Variants in MYCBP2 observed in about 807,000 individuals in gnomAD.
MYCBP2 encodes E3 ubiquitin-protein ligase MYCBP2.
Under a neutral mutation model 525.3 loss-of-function variants are expected in MYCBP2, and 120 were observed. The ratio of observed to expected loss-of-function variants is 0.23; its 90% CI spans 0.20 to 0.27. MYCBP2 has a LOEUF of 0.27. MYCBP2 is among the 10% of genes least tolerant of loss of function. The pLI, the probability that MYCBP2 is intolerant of heterozygous loss-of-function variation, is 1.00. For missense variants in MYCBP2, 4,149 were observed against 5,657.1 expected (o/e 0.73, Z 8.55); for synonymous variants, 1,894 against 1,955.8 (o/e 0.97, Z 0.83).
chr13:77,263,596 A>C, intron 10 of MYCBP2, 55 bp downstream of exon 10: 1 of 1,458,790 alleles, frequency 6.9e-7, no homozygotes, highest in Admixed American at 1.8e-5. Flanking sequence ...CATTTTTAAG[A>C]GTATGAAAAA....
intron 14 of MYCBP2, among the ~76,000 whole-genome samples, chr13:77,252,013 A>C (rs958953935): frequency 2.0e-5 from 3 of 152,178 alleles, no homozygotes; most frequent in African/African-American, 7.2e-5. Flanking sequence ...GCCTTCAAAA[A>C]TTCAGCTCAG....
At chr13:77,178,484 C>T (rs186265913) in intron 34 of MYCBP2, among the ~76,000 whole-genome samples, 14 of 152,302 alleles carry the variant, frequency 9.2e-5, no homozygotes, top group East Asian at 3.9e-4. Flanking sequence ...TTGAATACTA[C>T]GAATATATAC....
chr13:77,098,617 T>C lies in MYCBP2; in HGVS notation c.8537A>G (p.His2846Arg), dbSNP rs1341077305. 2 of 1,613,650 alleles carry C rather than the reference T, an allele frequency of 1.2e-6. No individual in the cohort carries two copies. The highest frequency in any genetic ancestry group is 1.1e-5 in the South Asian group (1 of 91,066). The change falls in exon 56 of 83, where the codon CAT becomes CGT. Residue 2846 changes from histidine (H) to arginine (R), a missense_variant. Around this residue, in one of 21 missense-constraint regions of MYCBP2, gnomAD observed 653 missense variants for 744.7 expected, o/e 0.88. Transcript: ENST00000544440. ...GASSPRSSSP[H>R]DKNLPQKSTA... is the part of the protein sequence containing the mutation. ...ACTTTTTTGAGGTAGATTTTTATCA[T>C]GTGGTGAGGAGGAGCGTGGAGAACT...
intron 57 of MYCBP2, among the ~76,000 whole-genome samples, chr13:77,096,041 CAATT>C (rs1370006138): frequency 6.6e-6 from 1 of 151,444 alleles, no homozygotes; most frequent in Non-Finnish European, 1.5e-5. Flanking sequence ...GAATAACAGA[CAATT>C]AATAATAAAG....
intron 56 of MYCBP2, among the ~76,000 whole-genome samples, chr13:77,097,044 C>T (rs1314227622): frequency 1.3e-5 from 2 of 152,094 alleles, no homozygotes; most frequent in East Asian, 3.8e-4. Flanking sequence ...ATAGTAAAAT[C>T]AAAGGAGATG....
Position 77,157,563 on chromosome 13 carries a change from T to C in MYCBP2, c.6770+374A>G, listed in dbSNP as rs549744459. Among the ~76,000 whole-genome samples, 21 of 151,664 alleles carry C rather than the reference T, an allele frequency of 1.4e-4. No individual in the cohort carries two copies. In the South Asian group the frequency reaches 3.6e-3, roughly 26 times the overall value. On this transcript the variant is annotated intron_variant, in intron 45 of 82. Transcript: ENST00000544440. ...CATAACTATTCCAGCCTGGGCAACA[T>C]GGGGAAACTCTGTTTCTACAAAAAA... is the stretch of plus-strand genomic sequence containing the variant.
intron 14 of MYCBP2, among the ~76,000 whole-genome samples, chr13:77,253,724 T>G (rs1410123656): frequency 1.3e-5 from 2 of 151,988 alleles, no homozygotes; most frequent in South Asian, 2.1e-4. Flanking sequence ...CATATTATAC[T>G]TCAATGTAAC....
rs1249173583 is a variant in MYCBP2, at chr13:77,283,797, T to G, written c.594+4364A>C. Among the ~76,000 whole-genome samples, 4 of 152,112 alleles carry G rather than the reference T, an allele frequency of 2.6e-5. No homozygotes were observed. In the East Asian group the frequency reaches 7.7e-4, roughly 29 times the overall value. On this transcript the variant is annotated intron_variant, in intron 3 of 82. Coordinates refer to ENST00000544440, the MANE Select transcript of MYCBP2 (RefSeq NM_015057.5). ...CTGTAGTCCCAGCTACATGGGAGGC[T>G]AATGTGGGATGATCACTTGAGCCCA... is the stretch of plus-strand genomic sequence containing the variant.
At chr13:77,129,192 G>A (rs891800831) in intron 52 of MYCBP2, 22 of 397,784 alleles carry the variant, frequency 5.5e-5, no homozygotes, top group Non-Finnish European at 8.9e-5. Context: ...ATGAAAATAC[G>A]TCCAAATCCC....
chr13:77,079,410 C>G (rs1188161242), intron 65 of MYCBP2, among the ~76,000 whole-genome samples: 1 of 152,142 alleles, frequency 6.6e-6, no homozygotes, highest in Non-Finnish European at 1.5e-5. Flanking sequence ...AAATGTCAAA[C>G]AGTACAAGTT....
At chr13:77,206,118 C>A (rs1188953981) in intron 24 of MYCBP2, among the ~76,000 whole-genome samples, 1 of 151,850 alleles carries the variant, frequency 6.6e-6, no homozygotes, top group African/African-American at 2.4e-5. Flanking sequence ...TTTTTAAAAG[C>A]AACAAAATAC....
intron 23 of MYCBP2, 24 bp downstream of exon 23, chr13:77,211,143 T>C: frequency 5.7e-6 from 8 of 1,407,408 alleles, no homozygotes; most frequent in Non-Finnish European, 7.4e-6. Flanking sequence ...ACTTATTGAC[T>C]ATTTTATAAA....
intron 52 of MYCBP2, among the ~76,000 whole-genome samples, chr13:77,133,923 G>A (rs944642937): frequency 1.3e-4 from 20 of 152,044 alleles, no homozygotes; most frequent in African/African-American, 4.1e-4. Context: ...CCAAGGATCA[G>A]AACTTCACCC....
At chr13:77,292,958 CAAAAAAAAAAA>C (rs548135428) in intron 2 of MYCBP2, among the ~76,000 whole-genome samples, 1 of 61,290 alleles carries the variant, frequency 1.6e-5, no homozygotes, top group African/African-American at 5.6e-5. Context: ...GACTCCGTCT[CAAAAAAAAAAA>C]AAAAAAAAGA....
chr13:77,149,124 G>C (rs558951224), intron 47 of MYCBP2, among the ~76,000 whole-genome samples: 8 of 151,860 alleles, frequency 5.3e-5, no homozygotes, highest in Non-Finnish European at 2.9e-5. Flanking sequence ...CATTTCCTCT[G>C]GTTCTTTCTA....
chr13:77,237,695 G>T (rs2154307912), intron 17 of MYCBP2, among the ~76,000 whole-genome samples: 1 of 151,922 alleles, frequency 6.6e-6, no homozygotes, highest in Non-Finnish European at 1.5e-5. Context: ...AATACAAACA[G>T]GACACCAATA....
At position 77,097,590 on chromosome 13, in the gene MYCBP2, A is replaced by G. The variant is rs957524936; in HGVS notation, c.9564T>C (p.Gly3188=). 1 of 1,613,618 alleles carries G rather than the reference A, an allele frequency of 6.2e-7. No homozygotes were observed. Among genetic ancestry groups the G allele is most frequent in the Non-Finnish European group, 8.5e-7 (1 of 1,179,806 alleles). The change falls in exon 56 of 83, where the codon GGT becomes GGC. Residue 3188 remains glycine (G), a synonymous_variant. Coordinates refer to ENST00000544440, the MANE Select transcript of MYCBP2 (RefSeq NM_015057.5). ...CTTTCTTTTTAAGAACTGCACAGGA[A>G]CCAGGACTTGGAAAAATCATATTCT... The part of the protein sequence containing the change: ...ASQNMIFPSP[G]SCAVLKKKEC...
intron 35 of MYCBP2, 51 bp downstream of exon 35, chr13:77,177,697 C>G: frequency 7.0e-7 from 1 of 1,426,018 alleles, no homozygotes; most frequent in South Asian, 1.2e-5. Context: ...AATGGTAAAT[C>G]CTGATACACA....
intron 79 of MYCBP2, among the ~76,000 whole-genome samples, chr13:77,056,099 G>GGGGTGTGTGT (rs536899192): frequency 4.3e-4 from 52 of 120,594 alleles, no homozygotes; most frequent in African/African-American, 1.4e-3. Flanking sequence ...CTCTGTGTTT[G>GGGGTGTGTGT]GTGTGTGTGT....
Sources: gnomAD v4.1 joint callset for allele counts (sites outside exome capture counted in the v4.1 genomes callset) on GRCh38, gnomAD v4.1.1 for gene constraint, gnomAD v4.1.1 regional missense constraint, MANE v1.5 for transcripts, NCBI Gene and HGNC (gene_info 2026-07-23, HGNC 2026-07-21) for gene names.